SAMHD1: variants seen among roughly 807,000 people sequenced by gnomAD.
SAMHD1 encodes the protein SAM and HD domain containing deoxynucleoside triphosphate triphosphohydrolase 1, also known as deoxynucleoside triphosphate triphosphohydrolase SAMHD1.
In SAMHD1, 54 loss-of-function variants were observed where a neutral mutation model predicts 79.6. The observed-to-expected ratio is 0.68, with a 90% confidence interval of 0.55 to 0.85. SAMHD1 has a LOEUF of 0.85. SAMHD1 is among the 40% of genes least tolerant of loss of function. The pLI is 0.00. For synonymous variants in SAMHD1, 260 were observed against 264.1 expected (o/e 0.98, Z 0.15); for missense variants, 663 against 782.7 (o/e 0.85, Z 1.82).
At chr20:36,923,192 G>A (rs6130116) in intron 6 of SAMHD1, among the ~76,000 whole-genome samples, 33,707 of 150,960 alleles carry the variant, frequency 0.22, 4,475 homozygotes, top group East Asian at 0.46. Context: ...TAGTAGAGAC[G>A]GGATTTCACC....
intron 9 of SAMHD1, among the ~76,000 whole-genome samples, chr20:36,915,479 AT>A (rs1289485199): frequency 5.9e-5 from 9 of 152,238 alleles, no homozygotes; most frequent in Admixed American, 2.0e-4. Flanking sequence ...GCTTACACCT[AT>A]AATGCCAGCA....
Position 36,946,816 on chromosome 20 carries a change from A to G in SAMHD1, c.209-12T>C. On this transcript the variant is annotated splice_polypyrimidine_tract_variant and intron_variant, in intron 1 of 15. Coordinates refer to ENST00000646673, the MANE Select transcript of SAMHD1 (RefSeq NM_015474.4). ...TGTGATTTCATTTTCTATGGAAGAA[A>G]AAAGACAAATTCAATGTATACAACA... The G allele has an allele frequency of 6.2e-7, 1 of 1,603,580 alleles. No homozygotes were observed. The highest frequency in any genetic ancestry group is 8.5e-7 in the Non-Finnish European group (1 of 1,172,014).
At position 36,892,788 on chromosome 20, in the gene SAMHD1, A is replaced by T; in HGVS notation, c.*144T>A. 1 of 1,042,574 alleles carries T rather than the reference A, an allele frequency of 9.6e-7. No homozygotes were observed. Among genetic ancestry groups the T allele is most frequent in the Non-Finnish European group, 1.5e-6 (1 of 665,008 alleles). 64.6% of individuals were successfully genotyped at this position (1,042,574 alleles called of 1,614,324 possible). A position where few individuals can be genotyped will look rare whatever the true frequency, so the allele number is the denominator to read the frequency against. On this transcript the variant is annotated 3_prime_UTR_variant, in exon 16 of 16. Transcript: ENST00000646673. ...CTAATACCATCTTATTTCTTTGATT[A>T]AAAGTTACTTAGCTTCAGCATGCGT...
intron 6 of SAMHD1, among the ~76,000 whole-genome samples, chr20:36,921,671 G>A (rs369992105): frequency 2.7e-5 from 4 of 150,554 alleles, no homozygotes. Context: ...AAGTAGGCAC[G>A]TGCCACCACA....
intron 6 of SAMHD1, among the ~76,000 whole-genome samples, chr20:36,924,964 C>T (rs1001230070): frequency 4.6e-5 from 7 of 151,834 alleles, no homozygotes; most frequent in African/African-American, 1.7e-4. Context: ...CGAGACCAGC[C>T]TAACCAACAT....
chr20:36,916,107 GCC>G (rs924618330), intron 9 of SAMHD1, among the ~76,000 whole-genome samples: 2 of 151,898 alleles, frequency 1.3e-5, no homozygotes, highest in African/African-American at 4.8e-5. Context: ...CTTGCAGTGA[GCC>G]GAGATCGTGC....
chr20:36,912,558 G>A lies in SAMHD1; in HGVS notation c.1063-6C>T, dbSNP rs751597956. ...TCATACAGATTTCCAACTTCCTGCAGGAAAACATGAAGTAAATATTAATAG... is the reference window on the plus strand; with the variant it reads ...TCATACAGATTTCCAACTTCCTGCAAGAAAACATGAAGTAAATATTAATAG... On this transcript the variant is annotated splice_region_variant and splice_polypyrimidine_tract_variant and intron_variant, in intron 9 of 15. Coordinates refer to ENST00000646673, the MANE Select transcript of SAMHD1 (RefSeq NM_015474.4). 1.1e-5 allele frequency: 17 copies of A among 1,585,176 alleles called. No homozygotes were observed. The highest frequency in any genetic ancestry group is 2.2e-5 in the East Asian group (1 of 44,706).
chr20:36,928,429 G>A (rs1292818963), intron 5 of SAMHD1, among the ~76,000 whole-genome samples: 2 of 152,090 alleles, frequency 1.3e-5, no homozygotes, highest in Non-Finnish European at 2.9e-5. Context: ...GCTCATGCCT[G>A]TAATCCCAGC....
At chr20:36,945,288 T>C (rs550446757) in intron 2 of SAMHD1, among the ~76,000 whole-genome samples, 3 of 152,364 alleles carry the variant, frequency 2.0e-5, no homozygotes, top group South Asian at 2.1e-4. Context: ...CATCTCATTA[T>C]TGTTATCCAT....
chr20:36,890,142 A>C (rs1390848658), downstream of SAMHD1: 1 of 152,216 alleles, frequency 6.6e-6, no homozygotes, highest in Non-Finnish European at 1.5e-5. Context: ...TTTCACAATG[A>C]AGGTATGAAA....
At chr20:36,916,608 G>A (rs1235605507) in intron 9 of SAMHD1, 114 bp downstream of exon 9, 1 of 800,186 alleles carries the variant, frequency 1.2e-6, no homozygotes, top group African/African-American at 1.7e-5. Flanking sequence ...CAAATCCTAG[G>A]AATTAAGTAA....
At chr20:36,927,628 TTTAATCTTTTTAGTTTAAC>T (rs1349448400) in intron 5 of SAMHD1, among the ~76,000 whole-genome samples, 1 of 152,192 alleles carries the variant, frequency 6.6e-6, no homozygotes, top group East Asian at 1.9e-4. Context: ...AACTGAATTC[TTTAATCTTTTTAGTTTAAC>T]TTGAATAGCA....
chr20:36,922,798 C>G (rs1421776308), intron 6 of SAMHD1, among the ~76,000 whole-genome samples: 1 of 151,886 alleles, frequency 6.6e-6, no homozygotes, highest in Non-Finnish European at 1.5e-5. Context: ...TCCTGCCACC[C>G]CACCATGCCT....
intron 10 of SAMHD1, 194 bp downstream of exon 10, chr20:36,912,267 T>G (rs1043693781): frequency 8.8e-6 from 5 of 565,274 alleles, no homozygotes; most frequent in Non-Finnish European, 1.6e-5. Flanking sequence ...CATCTGCCCC[T>G]TTATCCACTT....
At chr20:36,898,910 CAAA>C (rs57902699) in intron 13 of SAMHD1, among the ~76,000 whole-genome samples, 12 of 69,404 alleles carry the variant, frequency 1.7e-4, no homozygotes, top group Admixed American at 3.5e-4. Flanking sequence ...GACTCTGACT[CAAA>C]AAAAAAAAAA....
chr20:36,895,361 T>C (rs1990178532), intron 15 of SAMHD1, among the ~76,000 whole-genome samples: 1 of 152,040 alleles, frequency 6.6e-6, no homozygotes, highest in African/African-American at 2.4e-5. Context: ...AGCCCTTCTT[T>C]AAATAAGCTT....
At chr20:36,919,304 T>A in intron 7 of SAMHD1, 60 bp downstream of exon 7, 1 of 1,511,060 alleles carries the variant, frequency 6.6e-7, no homozygotes, top group East Asian at 2.3e-5. Context: ...TCAGAAGGAA[T>A]CATGAAAAGG....
At chr20:36,911,485 C>T (rs550712793) in intron 10 of SAMHD1, 152 bp from the exon 11 acceptor site, 1 of 640,318 alleles carries the variant, frequency 1.6e-6, no homozygotes, top group Non-Finnish European at 2.8e-6. Flanking sequence ...TAAATTTGTG[C>T]TTGGTAAGCT....
intron 3 of SAMHD1, chr20:36,940,569 TG>T: frequency 5.2e-6 from 1 of 194,056 alleles, no homozygotes; most frequent in Non-Finnish European, 1.1e-5. Context: ...TGTGGTGGCA[TG>T]CACCCATAGT....
Sources: allele counts gnomAD v4.1 joint callset (sites outside exome capture counted in the v4.1 genomes callset), GRCh38; gene constraint gnomAD v4.1.1; transcripts MANE v1.5; gene names NCBI Gene and HGNC (gene_info 2026-07-23, HGNC 2026-07-21).